ZBTB20: variants seen among roughly 807,000 people sequenced by gnomAD.
The protein encoded by ZBTB20 is zinc finger and BTB domain containing 20, also known as zinc finger and BTB domain-containing protein 20.
Under a neutral mutation model 56.9 loss-of-function variants are expected in ZBTB20, and 9 were observed. The ratio of observed to expected loss-of-function variants is 0.16; its 90% CI spans 0.10 to 0.28. The LOEUF (loss-of-function observed/expected upper bound fraction) is 0.28, where lower values mean the gene tolerates loss of function less well. Ranked by LOEUF, ZBTB20 falls within the 10% of genes least tolerant of loss-of-function variation. The probability of loss-of-function intolerance (pLI) is 1.00; values close to 1 mark genes in which losing one functional copy is unlikely to be tolerated. For missense variants in ZBTB20, 655 were observed against 1,003.0 expected (o/e 0.65, Z 4.69); for synonymous variants, 417 against 420.7 (o/e 0.99, Z 0.11).
chr3:115,143,787 A>G (rs1402695939), intron 1 of ZBTB20, among the ~76,000 whole-genome samples: 1 of 152,232 alleles, frequency 6.6e-6, no homozygotes, highest in South Asian at 2.1e-4. Flanking sequence ...AGAAAGTTTC[A>G]TGACAATAAC....
At chr3:114,610,635 A>G (rs1165087622) in intron 6 of ZBTB20, among the ~76,000 whole-genome samples, 3 of 152,234 alleles carry the variant, frequency 2.0e-5, no homozygotes, top group African/African-American at 7.2e-5. Context: ...TTAGAAACTC[A>G]GAACTCAAGA....
At chr3:114,832,972 T>C (rs2108965211) in intron 4 of ZBTB20, among the ~76,000 whole-genome samples, 1 of 152,276 alleles carries the variant, frequency 6.6e-6, no homozygotes, top group Middle Eastern at 3.4e-3. Context: ...ATTTTAACTG[T>C]TAGCCCTTGC....
At chr3:115,126,313 T>C (rs149692839) in intron 1 of ZBTB20, among the ~76,000 whole-genome samples, 3 of 152,298 alleles carry the variant, frequency 2.0e-5, no homozygotes, top group Admixed American at 6.5e-5. Context: ...TCCTGCAAAG[T>C]AGACCATTTA....
chr3:114,735,106 T>C (rs2066051027), intron 5 of ZBTB20, among the ~76,000 whole-genome samples: 1 of 152,154 alleles, frequency 6.6e-6, no homozygotes, highest in Admixed American at 6.6e-5. Flanking sequence ...ACATTGATTT[T>C]TGAGCCAATA....
At chr3:114,952,058 G>C (rs1026589894) in intron 3 of ZBTB20, among the ~76,000 whole-genome samples, 3 of 152,040 alleles carry the variant, frequency 2.0e-5, no homozygotes, top group Non-Finnish European at 4.4e-5. Flanking sequence ...AAGTGGCTCA[G>C]AAACCTGTGG....
chr3:115,078,763 A>G (rs1039815691), intron 1 of ZBTB20, among the ~76,000 whole-genome samples: 33 of 151,820 alleles, frequency 2.2e-4, no homozygotes, highest in African/African-American at 8.0e-4. Context: ...TCAAACACCT[A>G]TCAAGAGCTC....
chr3:115,119,436 T>A (rs904239855), intron 1 of ZBTB20, among the ~76,000 whole-genome samples: 5 of 152,306 alleles, frequency 3.3e-5, no homozygotes, highest in Admixed American at 3.3e-4. Flanking sequence ...TATCAGGCAT[T>A]TTACCATATT....
At chr3:114,887,817 C>A (rs1280495130) in intron 4 of ZBTB20, among the ~76,000 whole-genome samples, 2 of 152,096 alleles carry the variant, frequency 1.3e-5, no homozygotes, top group East Asian at 3.9e-4. Flanking sequence ...AGGACTAAAA[C>A]AGAGGAAGAC....
chr3:114,332,353 A>T lies in ZBTB20; in HGVS notation c.*6652T>A, dbSNP rs1299532671. 6.6e-6 allele frequency: 1 copy of T among 152,240 alleles called. No homozygotes were observed. The highest frequency in any genetic ancestry group is 2.4e-5 in the African/African-American group (1 of 41,462). 9.4% of individuals were successfully genotyped at this position (152,240 alleles called of 1,614,324 possible). ...AAAAAAGTTTAGAGATATACACTGT[A>T]TAGAGAAAGAAAGCTTTTTGCTGGA... On this transcript the variant is annotated 3_prime_UTR_variant, in exon 12 of 12. Transcript: ENST00000675478.
chr3:114,809,442 A>G (rs2072353187), intron 4 of ZBTB20, among the ~76,000 whole-genome samples: 1 of 152,002 alleles, frequency 6.6e-6, no homozygotes, highest in Non-Finnish European at 1.5e-5. Context: ...GCCATCTTAA[A>G]TATTCTGTTG....
chr3:115,123,659 T>A (rs1267916705), intron 1 of ZBTB20, among the ~76,000 whole-genome samples: 1 of 152,144 alleles, frequency 6.6e-6, no homozygotes, highest in Non-Finnish European at 1.5e-5. Flanking sequence ...ATATGTCACA[T>A]ACACAATCAA....
chr3:114,485,512 G>C (rs2042016289), intron 7 of ZBTB20, among the ~76,000 whole-genome samples: 1 of 152,162 alleles, frequency 6.6e-6, no homozygotes, highest in South Asian at 2.1e-4. Flanking sequence ...GTAGAGATGA[G>C]TGATGCTTAA....
chr3:115,051,295 T>C (rs781496792), intron 2 of ZBTB20, among the ~76,000 whole-genome samples: 15 of 152,016 alleles, frequency 9.9e-5, no homozygotes, highest in African/African-American at 3.4e-4. Context: ...TAATCAATAA[T>C]CATAAAATTA....
At chr3:115,001,068 C>A (rs1465983402) in intron 2 of ZBTB20, among the ~76,000 whole-genome samples, 3 of 146,888 alleles carry the variant, frequency 2.0e-5, no homozygotes, top group African/African-American at 7.5e-5. Context: ...TATTCTAAAC[C>A]TGATGAATTT....
At chr3:114,405,936 A>AT (rs140625655) in intron 7 of ZBTB20, among the ~76,000 whole-genome samples, 8,825 of 150,800 alleles carry the variant, frequency 0.059, 315 homozygotes, top group Non-Finnish European at 0.077. Flanking sequence ...TACTAGAGGC[A>AT]TTTTTTTTTA....
intron 6 of ZBTB20, among the ~76,000 whole-genome samples, chr3:114,623,957 C>G (rs556248940): frequency 6.6e-6 from 1 of 152,282 alleles, no homozygotes; most frequent in South Asian, 2.1e-4. Flanking sequence ...AAGTTGTGCC[C>G]GCTAAAAATC....
intron 3 of ZBTB20, among the ~76,000 whole-genome samples, chr3:114,938,067 G>A (rs1425199025): frequency 3.3e-5 from 5 of 151,816 alleles, no homozygotes; most frequent in South Asian, 2.1e-4. Flanking sequence ...GCAGTGAGCC[G>A]AGAACGTGCC....
intron 6 of ZBTB20, among the ~76,000 whole-genome samples, chr3:114,507,597 T>C (rs1178484060): frequency 6.6e-6 from 1 of 152,160 alleles, no homozygotes; most frequent in East Asian, 1.9e-4. Flanking sequence ...AATAATCAAA[T>C]AGATTGCTAA....
chr3:114,724,972 G>A (rs767792719), intron 5 of ZBTB20, among the ~76,000 whole-genome samples: 1 of 151,432 alleles, frequency 6.6e-6, no homozygotes, highest in African/African-American at 2.4e-5. Context: ...CAAATTTCTG[G>A]GCTCCAATCC....
Sources: allele counts gnomAD v4.1 joint callset (sites outside exome capture counted in the v4.1 genomes callset), GRCh38; gene constraint gnomAD v4.1.1; transcripts MANE v1.5; gene names NCBI Gene and HGNC (gene_info 2026-07-23, HGNC 2026-07-21).